Variants in PDXDC1 observed in about 807,000 individuals in gnomAD.
PDXDC1 encodes the protein pyridoxal dependent decarboxylase domain containing 1, also known as pyridoxal-dependent decarboxylase domain-containing protein 1.
PDXDC1 carries 42 observed loss-of-function variants against 100.1 expected under a neutral mutation model. The ratio of observed to expected loss-of-function variants is 0.42; its 90% CI spans 0.33 to 0.54. The LOEUF (loss-of-function observed/expected upper bound fraction) is 0.54, where lower values mean the gene tolerates loss of function less well. Ranked by LOEUF, PDXDC1 falls within the 20% of genes least tolerant of loss-of-function variation. The pLI is 0.10. For synonymous variants in PDXDC1, 260 were observed against 371.7 expected (o/e 0.70, Z 3.46); for missense variants, 636 against 979.2 (o/e 0.65, Z 4.68).
intron 16 of PDXDC1, among the ~76,000 whole-genome samples, chr16:15,077,329 G>T (rs1194745825): frequency 6.6e-6 from 1 of 152,006 alleles, no homozygotes; most frequent in African/African-American, 2.4e-5. Flanking sequence ...CATGTTGCTG[G>T]GGGGGGACTG....
At chr16:15,066,022 G>C (rs920428882) in intron 16 of PDXDC1, among the ~76,000 whole-genome samples, 4 of 152,206 alleles carry the variant, frequency 2.6e-5, no homozygotes, top group African/African-American at 9.6e-5. Context: ...TGAGCAACTT[G>C]AAAAATTATC....
chr16:14,992,285 TC>T (rs1372432597), intron 1 of PDXDC1, among the ~76,000 whole-genome samples: 32 of 152,408 alleles, frequency 2.1e-4, no homozygotes, highest in African/African-American at 7.5e-4. Flanking sequence ...TGTAAAGGCT[TC>T]CTGGAATTAT....
intron 16 of PDXDC1, among the ~76,000 whole-genome samples, chr16:15,126,325 C>G (rs1413100314): frequency 4.8e-5 from 5 of 103,596 alleles, no homozygotes; most frequent in Middle Eastern, 4.0e-3. Context: ...GTGTGAGCCA[C>G]CACACCCGGC....
At chr16:14,974,824 A>G, upstream of PDXDC1, 1 of 1,535,548 alleles carries the variant, frequency 6.5e-7, no homozygotes, top group South Asian at 1.2e-5. Flanking sequence ...TAGTATTTCC[A>G]GCCTTTCACT....
intron 16 of PDXDC1, among the ~76,000 whole-genome samples, chr16:15,089,526 C>T (rs140849284): frequency 2.6e-5 from 4 of 151,868 alleles, no homozygotes; most frequent in Admixed American, 6.6e-5. Flanking sequence ...ACTGGCCGGG[C>T]GTGGTTACTC....
intron 8 of PDXDC1, among the ~76,000 whole-genome samples, chr16:15,013,329 A>T (rs530224900): frequency 6.7e-6 from 1 of 149,524 alleles, no homozygotes; most frequent in Non-Finnish European, 1.5e-5. Flanking sequence ...AGCCTGGGCG[A>T]CAGAGTGAGA....
intron 16 of PDXDC1, chr16:15,069,958 G>A (rs1420220414): frequency 8.3e-6 from 12 of 1,449,578 alleles, no homozygotes; most frequent in Admixed American, 1.9e-5. Context: ...GAGTGCACAT[G>A]CAGTTTTCTG....
intron 1 of PDXDC1, chr16:14,988,141 TC>T (rs1387208712): frequency 7.0e-7 from 1 of 1,434,984 alleles, no homozygotes; most frequent in Admixed American, 1.7e-5. Context: ...GTCACTGGTT[TC>T]CCCCAACAAG....
intron 16 of PDXDC1, among the ~76,000 whole-genome samples, chr16:15,074,338 C>A (rs1244792410): frequency 1.3e-5 from 2 of 152,210 alleles, no homozygotes; most frequent in Admixed American, 6.5e-5. Context: ...AGTACTAACA[C>A]TGGCACAACA....
At chr16:15,062,017 C>T (rs2044734449) in intron 16 of PDXDC1, 2 of 1,112,334 alleles carry the variant, frequency 1.8e-6, no homozygotes, top group South Asian at 3.3e-5. Context: ...AAGAAAATAT[C>T]TTAATTTCAA....
intron 16 of PDXDC1, among the ~76,000 whole-genome samples, chr16:15,117,374 AT>A (rs1439005129): frequency 7.1e-6 from 1 of 141,230 alleles, no homozygotes; most frequent in Non-Finnish European, 1.5e-5. Flanking sequence ...AAGGTTATAT[AT>A]TTTGGCCAGG....
chr16:14,998,185 C>A (rs1972409686), intron 2 of PDXDC1, among the ~76,000 whole-genome samples, 155 bp from the exon 3 acceptor site: 1 of 152,262 alleles, frequency 6.6e-6, no homozygotes, highest in African/African-American at 2.4e-5. Context: ...TCAAACGATA[C>A]CTGAAACTGG....
chr16:15,121,966 C>T (rs1318949894), intron 16 of PDXDC1: 1 of 236,912 alleles, frequency 4.2e-6, no homozygotes, highest in Non-Finnish European at 8.5e-6. Flanking sequence ...CATGGTGAAA[C>T]CCAGTCTCTA....
At chr16:15,039,871 T>C (rs1202036922), downstream of PDXDC1, 1 of 706,294 alleles carries the variant, frequency 1.4e-6, no homozygotes, top group Non-Finnish European at 2.5e-6. Flanking sequence ...ATAAAGAAGC[T>C]GACAGCATAA....
At chr16:15,045,929 C>T (rs2044041285) in intron 16 of PDXDC1, 1 of 152,224 alleles carries the variant, frequency 6.6e-6, no homozygotes, top group African/African-American at 2.4e-5. Flanking sequence ...ATAATAAACT[C>T]CAAGTAGTAG....
intron 16 of PDXDC1, among the ~76,000 whole-genome samples, chr16:15,084,195 A>C (rs535404025): frequency 6.6e-6 from 1 of 152,358 alleles, no homozygotes; most frequent in African/African-American, 2.4e-5. Flanking sequence ...AAAAGAAGAA[A>C]AAATCATCAA....
rs1444060195 is a variant in PDXDC1 at position 15,135,161 on chromosome 16, A to C, written c.1400-3718A>C. ...GGCTGTCGTGTTACGTAGAATTTGC[A>C]TCAGAAACAGAGAGGGAAGAGCGCG... On this transcript the variant is annotated intron_variant, in intron 16 of 16. Transcript: ENST00000535621. 3 of 846,612 alleles carry C rather than the reference A, an allele frequency of 3.5e-6. No individual in the cohort carries two copies. In the East Asian group the frequency reaches 8.0e-5, roughly 23 times the overall value. The allele number at this position is 846,612 out of a possible 1,614,324, so 52.4% of individuals were successfully genotyped here.
intron 16 of PDXDC1, among the ~76,000 whole-genome samples, chr16:15,074,274 T>C (rs1361266080): frequency 2.0e-5 from 3 of 152,142 alleles, no homozygotes; most frequent in Admixed American, 6.5e-5. Context: ...GGAAAAAAAT[T>C]CTGTTTTCGC....
intron 16 of PDXDC1, chr16:15,091,391 A>C (rs1161867071): frequency 5.8e-6 from 9 of 1,553,240 alleles, no homozygotes; most frequent in Non-Finnish European, 2.6e-6. Context: ...AAGGGGAAAG[A>C]ATTAAGTTAT....
Sources: gnomAD v4.1 joint callset for allele counts (sites outside exome capture counted in the v4.1 genomes callset) on GRCh38, gnomAD v4.1.1 for gene constraint, MANE v1.5 for transcripts, NCBI Gene and HGNC (gene_info 2026-07-23, HGNC 2026-07-21) for gene names.